The following LRRC69 variants were observed in gnomAD, a reference collection of about 807,000 sequenced individuals.
LRRC69 encodes the protein leucine rich repeat containing 69, also known as leucine-rich repeat-containing protein 69.
Under a neutral mutation model 37.8 loss-of-function variants are expected in LRRC69, and 42 were observed. The ratio of observed to expected loss-of-function variants is 1.11; its 90% CI spans 0.87 to 1.44. The LOEUF is 1.44. LRRC69 is among the 40% of genes most tolerant of loss of function. The pLI, the probability that LRRC69 is intolerant of heterozygous loss-of-function variation, is 0.00. For synonymous variants in LRRC69, 141 were observed against 143.1 expected (o/e 0.99, Z 0.11); for missense variants, 357 against 401.9 (o/e 0.89, Z 0.96).
At chr8:91,110,217 A>T (rs970885033) in intron 1 of LRRC69, among the ~76,000 whole-genome samples, 2 of 152,098 alleles carry the variant, frequency 1.3e-5, no homozygotes, top group African/African-American at 4.8e-5. Context: ...AAGTAGTTCA[A>T]ACATATTTAT....
At chr8:91,216,141 A>G (rs992480305) in intron 7 of LRRC69, among the ~76,000 whole-genome samples, 1 of 152,222 alleles carries the variant, frequency 6.6e-6, no homozygotes, top group Non-Finnish European at 1.5e-5. Context: ...TCAAAGTTTC[A>G]TGTTCACTAT....
intron 5 of LRRC69, among the ~76,000 whole-genome samples, chr8:91,146,832 G>A (rs1202927484): frequency 1.3e-5 from 2 of 151,720 alleles, no homozygotes; most frequent in Non-Finnish European, 2.9e-5. Flanking sequence ...ATGTCCCAGG[G>A]ATATTTGACA....
intron 7 of LRRC69, among the ~76,000 whole-genome samples, chr8:91,203,893 G>T (rs1253383875): frequency 1.3e-5 from 2 of 151,438 alleles, no homozygotes; most frequent in African/African-American, 4.9e-5. Context: ...GCTGAGGCGG[G>T]CAGATCACGA....
At chr8:91,157,191 G>A in intron 5 of LRRC69, 1 of 881,040 alleles carries the variant, frequency 1.1e-6, no homozygotes, top group East Asian at 2.6e-5. Context: ...CTTCGAATCT[G>A]TAGATTGCTT....
intron 1 of LRRC69, among the ~76,000 whole-genome samples, chr8:91,113,874 CAAAT>C (rs1337047661): frequency 2.2e-5 from 3 of 139,020 alleles, no homozygotes; most frequent in Admixed American, 7.7e-5. Context: ...AACAAACAAA[CAAAT>C]AACCTGATTT....
At chr8:91,197,358 G>T (rs1302376409) in intron 6 of LRRC69, among the ~76,000 whole-genome samples, 1 of 152,166 alleles carries the variant, frequency 6.6e-6, no homozygotes, top group Admixed American at 6.5e-5. Flanking sequence ...CTGGAGCTGT[G>T]GTGGGCTCCA....
chr8:91,154,975 C>T (rs560320192), intron 5 of LRRC69, among the ~76,000 whole-genome samples: 177 of 151,708 alleles, frequency 1.2e-3, no homozygotes, highest in Non-Finnish European at 1.9e-3. Context: ...CAGAAAACCC[C>T]GTCGTCTCAA....
intron 7 of LRRC69, among the ~76,000 whole-genome samples, chr8:91,210,294 A>G (rs1160757505): frequency 2.0e-5 from 3 of 152,186 alleles, no homozygotes; most frequent in Non-Finnish European, 4.4e-5. Flanking sequence ...ACACCTCCTG[A>G]TACCACCTTC....
chr8:91,102,793 T>C (rs1813243202), exon 1 of LRRC69: 1 of 1,551,752 alleles, frequency 6.4e-7, no homozygotes, highest in Non-Finnish European at 8.7e-7. Flanking sequence ...CTCTAGTCCT[T>C]CAGAATAACC....
At chr8:91,148,382 T>C (rs1176157651) in intron 5 of LRRC69, among the ~76,000 whole-genome samples, 1 of 151,808 alleles carries the variant, frequency 6.6e-6, no homozygotes, top group Non-Finnish European at 1.5e-5. Context: ...GGTTTCCAGC[T>C]TCATCCATGT....
At chr8:91,183,923 G>A (rs1809364033) in intron 5 of LRRC69, among the ~76,000 whole-genome samples, 1 of 152,112 alleles carries the variant, frequency 6.6e-6, no homozygotes. Context: ...AGTGTCAGAG[G>A]ATTCAGGCAT....
chr8:91,156,641 A>T (rs183322550), intron 5 of LRRC69, among the ~76,000 whole-genome samples: 2,329 of 150,640 alleles, frequency 0.015, 30 homozygotes, highest in Non-Finnish European at 0.023. Context: ...TTCTCTTTTT[A>T]AAAAAAATAT....
chr8:91,183,778 T>C (rs1006218705), intron 5 of LRRC69, among the ~76,000 whole-genome samples: 1 of 151,968 alleles, frequency 6.6e-6, no homozygotes, highest in African/African-American at 2.4e-5. Context: ...ATACTGGAAG[T>C]TGGTGATGAT....
At chr8:91,161,298 A>G (rs868723246) in intron 5 of LRRC69, among the ~76,000 whole-genome samples, 1 of 151,420 alleles carries the variant, frequency 6.6e-6, no homozygotes, top group South Asian at 2.1e-4. Flanking sequence ...TATAAGGGAA[A>G]TGCTGGCCTT....
chr8:91,130,091 C>A (rs993667155), intron 3 of LRRC69, among the ~76,000 whole-genome samples: 5 of 151,934 alleles, frequency 3.3e-5, no homozygotes, highest in African/African-American at 1.2e-4. Flanking sequence ...GAATTCTTAC[C>A]TCTCATAAGC....
At chr8:91,171,306 C>T (rs943502192) in intron 5 of LRRC69, among the ~76,000 whole-genome samples, 9 of 133,164 alleles carry the variant, frequency 6.8e-5, no homozygotes, top group Non-Finnish European at 9.8e-5. Flanking sequence ...TTAGTTATTC[C>T]ATGTATACAT....
intron 1 of LRRC69, chr8:91,118,258 A>G (rs529593128): frequency 3.8e-5 from 17 of 452,670 alleles, no homozygotes; most frequent in South Asian, 7.8e-5. Flanking sequence ...TAATCCCAGC[A>G]CTTTGGGAGG....
At position 91,205,735 on chromosome 8, in the gene LRRC69, C is replaced by G. The variant is rs576984456; in HGVS notation, c.933+4943C>G. Among the ~76,000 whole-genome samples, 241 of 152,178 alleles carry G rather than the reference C, an allele frequency of 1.6e-3. 1 individual carries two copies. The highest frequency in any genetic ancestry group is 2.7e-3 in the Non-Finnish European group (184 of 67,992). Reference sequence around the variant, plus strand: ...CCAGTCATGTACAAATTATGTCTTACTAGACATAACCATGTGTGCTTAAGA... The same window carrying G: ...CCAGTCATGTACAAATTATGTCTTAGTAGACATAACCATGTGTGCTTAAGA... On this transcript the variant is annotated intron_variant, in intron 7 of 7. Transcript: ENST00000448384.
chr8:91,125,934 T>C (rs1813706442), intron 2 of LRRC69, among the ~76,000 whole-genome samples: 1 of 151,920 alleles, frequency 6.6e-6, no homozygotes, highest in Non-Finnish European at 1.5e-5. Flanking sequence ...CATAGTGATA[T>C]TTTGATACCT....
Sources: allele counts gnomAD v4.1 joint callset (sites outside exome capture counted in the v4.1 genomes callset), GRCh38; gene constraint gnomAD v4.1.1; transcripts MANE v1.5; gene names NCBI Gene and HGNC (gene_info 2026-07-23, HGNC 2026-07-21).